The following MIPOL1 variants were observed in gnomAD, a reference collection of about 807,000 sequenced individuals.
The protein encoded by MIPOL1 is mirror-image polydactyly gene 1 protein.
A neutral mutation model predicts 60.9 loss-of-function variants in MIPOL1; 57 were observed. The observed-to-expected ratio is 0.94, with a 90% confidence interval of 0.76 to 1.17. The LOEUF is 1.17. Ranked by LOEUF, MIPOL1 falls within the 50% of genes most tolerant of loss-of-function variation. The probability of loss-of-function intolerance (pLI) is 0.00; values close to 1 mark genes in which losing one functional copy is unlikely to be tolerated. For missense variants in MIPOL1, 551 were observed against 511.6 expected (o/e 1.08, Z -0.74); for synonymous variants, 179 against 168.8 (o/e 1.06, Z -0.47).
At chr14:37,522,756 ATTGT>A (rs991315336) in intron 12 of MIPOL1, among the ~76,000 whole-genome samples, 7 of 152,170 alleles carry the variant, frequency 4.6e-5, no homozygotes, top group African/African-American at 1.7e-4. Context: ...TGTAGTATAA[ATTGT>A]TTGTACTATT....
intron 10 of MIPOL1, among the ~76,000 whole-genome samples, chr14:37,421,403 A>ATTTTTTT (rs1269794512): frequency 1.3e-5 from 2 of 152,108 alleles, no homozygotes; most frequent in African/African-American, 4.8e-5. Context: ...TGAATGTGAT[A>ATTTTTTT]TTTTTGATTC....
chr14:37,199,526 T>G (rs2139041375), intron 1 of MIPOL1, among the ~76,000 whole-genome samples: 1 of 151,894 alleles, frequency 6.6e-6, no homozygotes, highest in South Asian at 2.1e-4. Flanking sequence ...TATACTTTTT[T>G]TTTTCTTCTT....
chr14:37,511,080 A>G (rs969272152), intron 12 of MIPOL1, among the ~76,000 whole-genome samples: 3 of 152,080 alleles, frequency 2.0e-5, no homozygotes, highest in Non-Finnish European at 2.9e-5. Context: ...TTTCTTCCAG[A>G]GTCATAAAAA....
chr14:37,505,299 CAAA>C (rs1223714886), intron 12 of MIPOL1: 1 of 152,050 alleles, frequency 6.6e-6, no homozygotes. Flanking sequence ...GACACAACAA[CAAA>C]AAAGATAATT....
At chr14:37,232,203 A>G (rs1970742612) in intron 1 of MIPOL1, among the ~76,000 whole-genome samples, 2 of 152,228 alleles carry the variant, frequency 1.3e-5, no homozygotes, top group African/African-American at 2.4e-5. Flanking sequence ...ATAAAGACAC[A>G]CTGTGAATAC....
intron 7 of MIPOL1, among the ~76,000 whole-genome samples, chr14:37,295,448 A>G (rs2085546331): frequency 6.6e-6 from 1 of 152,226 alleles, no homozygotes. Flanking sequence ...AAATTCACAC[A>G]TAACAATCCT....
rs554931959 is a variant in MIPOL1 at position 37,394,643 on chromosome 14, C to T, written c.936+25019C>T. ...TTTTTCTTACTGATTTGTTTGAGCT[C>T]GTTGTAGATTCTGGATATTAGTCCT... On this transcript the variant is annotated intron_variant, in intron 10 of 12. Coordinates refer to ENST00000684589, the MANE Select transcript of MIPOL1 (RefSeq NM_001388067.1). Among the ~76,000 whole-genome samples the T allele has an allele frequency of 4.6e-5, 7 of 151,844 alleles. No individual in the cohort carries two copies. In the East Asian group the frequency reaches 1.4e-3, roughly 29 times the overall value.
intron 11 of MIPOL1, among the ~76,000 whole-genome samples, chr14:37,424,250 T>G (rs1187168879): frequency 6.6e-6 from 1 of 152,170 alleles, no homozygotes; most frequent in Admixed American, 6.6e-5. Context: ...GTGATTTTAT[T>G]TTGAAATAGG....
chr14:37,409,085 T>C (rs1039127667), intron 10 of MIPOL1, among the ~76,000 whole-genome samples: 1 of 152,160 alleles, frequency 6.6e-6, no homozygotes, highest in Non-Finnish European at 1.5e-5. Context: ...ATTTCAGGCC[T>C]CTCTTGGCTC....
At chr14:37,465,357 A>T (rs954854817) in intron 11 of MIPOL1, among the ~76,000 whole-genome samples, 8 of 152,098 alleles carry the variant, frequency 5.3e-5, no homozygotes, top group Non-Finnish European at 7.4e-5. Context: ...AACTAACTTA[A>T]TATGTCACTA....
intron 7 of MIPOL1, among the ~76,000 whole-genome samples, chr14:37,294,354 G>T (rs1023878395): frequency 7.9e-5 from 12 of 152,100 alleles, no homozygotes; most frequent in Non-Finnish European, 1.6e-4. Context: ...CCACAAAGAT[G>T]GGGAAAAACC....
intron 9 of MIPOL1, among the ~76,000 whole-genome samples, chr14:37,356,914 G>T (rs1225549783): frequency 6.6e-6 from 1 of 152,212 alleles, no homozygotes; most frequent in South Asian, 2.1e-4. Flanking sequence ...TTTCTATTCG[G>T]CCATCTTGGC....
At position 37,231,906 on chromosome 14, in the gene MIPOL1, C is replaced by A. The variant is rs148093204; in HGVS notation, c.-198-15197C>A. 6.4e-3 allele frequency among the ~76,000 whole-genome samples: 973 copies of A among 151,834 alleles called. 14 individuals are homozygous for A. The highest frequency in any genetic ancestry group is 0.022 in the African/African-American group (924 of 41,428). On this transcript the variant is annotated intron_variant, in intron 1 of 12. Coordinates refer to ENST00000684589, the MANE Select transcript of MIPOL1 (RefSeq NM_001388067.1). ...AACAGCCTGGGCAACATAGGGAGAT[C>A]GTATCTCTACAAAAAATTTTACAAA... is the stretch of plus-strand genomic sequence containing the variant.
intron 1 of MIPOL1, among the ~76,000 whole-genome samples, chr14:37,211,781 C>G (rs1488388130): frequency 6.6e-6 from 1 of 151,932 alleles, no homozygotes; most frequent in Admixed American, 6.6e-5. Context: ...CACCTAACCC[C>G]AGGCTGCGTA....
At chr14:37,364,166 G>A (rs2092389372) in intron 9 of MIPOL1, among the ~76,000 whole-genome samples, 1 of 152,194 alleles carries the variant, frequency 6.6e-6, no homozygotes, top group African/African-American at 2.4e-5. Flanking sequence ...ATCCCAATGA[G>A]ATGAACTGGG....
At chr14:37,205,109 G>T (rs931701591) in intron 1 of MIPOL1, among the ~76,000 whole-genome samples, 16 of 145,286 alleles carry the variant, frequency 1.1e-4, no homozygotes, top group African/African-American at 3.5e-4. Context: ...TAAGTTTTTT[G>T]TTTTTTTTTT....
intron 11 of MIPOL1, among the ~76,000 whole-genome samples, chr14:37,438,352 T>A (rs1698642048): frequency 6.6e-6 from 1 of 152,150 alleles, no homozygotes; most frequent in Non-Finnish European, 1.5e-5. Flanking sequence ...TATCTTGGAG[T>A]TCAATACATA....
chr14:37,531,300 A>G (rs540682097), intron 12 of MIPOL1, among the ~76,000 whole-genome samples: 3 of 151,700 alleles, frequency 2.0e-5, no homozygotes, highest in Non-Finnish European at 2.9e-5. Flanking sequence ...TTTTTCCTCT[A>G]CGTTACCCTC....
chr14:37,275,273 A>T (rs1312643089), intron 6 of MIPOL1, among the ~76,000 whole-genome samples: 2 of 151,180 alleles, frequency 1.3e-5, no homozygotes, highest in Non-Finnish European at 3.0e-5. Flanking sequence ...TAAATTATAC[A>T]TGTGGGTAAT....
Sources: allele counts gnomAD v4.1 joint callset (sites outside exome capture counted in the v4.1 genomes callset), GRCh38; gene constraint gnomAD v4.1.1; transcripts MANE v1.5; gene names NCBI Gene and HGNC (gene_info 2026-07-23, HGNC 2026-07-21).